The following APBB2 variants were observed in gnomAD, a reference collection of about 807,000 sequenced individuals.
APBB2 encodes the protein amyloid beta precursor protein binding family B member 2.
Under a neutral mutation model 82.5 loss-of-function variants are expected in APBB2, and 38 were observed. The ratio of observed to expected loss-of-function variants is 0.46; its 90% CI spans 0.36 to 0.60. The LOEUF (loss-of-function observed/expected upper bound fraction) is 0.60, where lower values mean the gene tolerates loss of function less well. Among genes scored for constraint, APBB2 ranks in the 20% least tolerant of loss-of-function variants. The pLI, the probability that APBB2 is intolerant of heterozygous loss-of-function variation, is 0.00. For missense variants in APBB2, 772 were observed against 972.3 expected (o/e 0.79, Z 2.74); for synonymous variants, 341 against 368.2 (o/e 0.93, Z 0.85).
intron 1 of APBB2, among the ~76,000 whole-genome samples, chr4:41,172,100 G>A (rs545378572): frequency 1.3e-5 from 2 of 152,128 alleles, no homozygotes; most frequent in South Asian, 4.2e-4. Flanking sequence ...ACTCCATCTC[G>A]AAACAATAAA....
At chr4:41,181,911 A>C (rs1771479394) in intron 1 of APBB2, among the ~76,000 whole-genome samples, 1 of 148,210 alleles carries the variant, frequency 6.7e-6, no homozygotes, top group Non-Finnish European at 1.5e-5. Context: ...ACGCCATTGC[A>C]CCAGCCTGGG....
At position 40,982,100 on chromosome 4, in the gene APBB2, G is replaced by A. The variant is rs184887845; in HGVS notation, c.835+31483C>T. On this transcript the variant is annotated intron_variant, in intron 6 of 17. Transcript: ENST00000508593. ...CTTGGGAGGCTGAGGCGTAAAAATC[G>A]CTTGAACCCAGGAGGTGGAGGTTGC... Among the ~76,000 whole-genome samples, 956 of 150,614 alleles carry A rather than the reference G, an allele frequency of 6.3e-3. 15 individuals are homozygous for A. Among genetic ancestry groups the A allele is most frequent in the African/African-American group, 0.021 (875 of 40,766 alleles).
chr4:40,862,288 C>G (rs932379885), intron 12 of APBB2, among the ~76,000 whole-genome samples: 8 of 152,174 alleles, frequency 5.3e-5, no homozygotes, highest in African/African-American at 1.9e-4. Context: ...AGAGAACATG[C>G]TACTAAAATA....
intron 1 of APBB2, among the ~76,000 whole-genome samples, chr4:41,159,967 A>G (rs867548589): frequency 0.018 from 1,150 of 65,338 alleles, 45 homozygotes; most frequent in African/African-American, 0.028. Flanking sequence ...GAAGGAGAAG[A>G]AGAAGAAGAA....
chr4:41,000,359 A>G (rs1032365091), intron 6 of APBB2, among the ~76,000 whole-genome samples: 2 of 152,182 alleles, frequency 1.3e-5, no homozygotes, highest in Non-Finnish European at 2.9e-5. Flanking sequence ...ATAAGGCAGT[A>G]ATTCTAGTGA....
At chr4:41,209,847 A>T (rs1045726203) in intron 1 of APBB2, among the ~76,000 whole-genome samples, 1 of 152,224 alleles carries the variant, frequency 6.6e-6, no homozygotes. Flanking sequence ...GGCATTGGAC[A>T]AAGCAGTGAC....
chr4:41,021,486 T>C (rs1316828329), intron 5 of APBB2, among the ~76,000 whole-genome samples: 1 of 152,128 alleles, frequency 6.6e-6, no homozygotes, highest in Non-Finnish European at 1.5e-5. Flanking sequence ...AGCTAAAGGA[T>C]TGTAAATGCA....
chr4:41,197,210 A>G, intron 1 of APBB2, among the ~76,000 whole-genome samples: 2 of 152,058 alleles, frequency 1.3e-5, no homozygotes, highest in Admixed American at 6.6e-5. Context: ...AACAATATGC[A>G]TGTTATTTTT....
intron 1 of APBB2, among the ~76,000 whole-genome samples, chr4:41,152,583 CTCCCAA>C (rs1472220177): frequency 3.3e-4 from 50 of 152,302 alleles, no homozygotes; most frequent in Middle Eastern, 3.4e-3. Flanking sequence ...CCACCTCGGC[CTCCCAA>C]AGTGCTGGGA....
At chr4:41,075,715 T>C (rs2153912274) in intron 3 of APBB2, among the ~76,000 whole-genome samples, 1 of 152,346 alleles carries the variant, frequency 6.6e-6, no homozygotes, top group African/African-American at 2.4e-5. Context: ...TTTTTTGTAA[T>C]GGTGGAAATA....
At chr4:41,056,184 A>AAAATAAAT (rs1445691537) in intron 4 of APBB2, among the ~76,000 whole-genome samples, 1 of 152,098 alleles carries the variant, frequency 6.6e-6, no homozygotes, top group Non-Finnish European at 1.5e-5. Context: ...CCATCTCAAA[A>AAAATAAAT]AAATAAATAA....
rs138420661 is a variant in APBB2, at chr4:41,110,116, C to A, written c.-260-9366G>T. Among the ~76,000 whole-genome samples the A allele has an allele frequency of 7.4e-3, 1,121 of 152,316 alleles. 15 individuals are homozygous for A. Among genetic ancestry groups the A allele is most frequent in the African/African-American group, 0.025 (1,045 of 41,568 alleles). Reference sequence around the variant, plus strand: ...CACCTTTCTTTCTAATTTACAGCCCCCATCCCTGCAGAAGCAACCACTCCC... The same window carrying A: ...CACCTTTCTTTCTAATTTACAGCCCACATCCCTGCAGAAGCAACCACTCCC... On this transcript the variant is annotated intron_variant, in intron 2 of 17. Transcript: ENST00000508593.
intron 6 of APBB2, among the ~76,000 whole-genome samples, chr4:40,972,040 T>A (rs1796049906): frequency 6.6e-6 from 1 of 152,122 alleles, no homozygotes; most frequent in African/African-American, 2.4e-5. Flanking sequence ...CAACAAAAAA[T>A]AAAATTCCCA....
intron 4 of APBB2, among the ~76,000 whole-genome samples, chr4:41,040,967 G>A (rs574935424): frequency 4.3e-4 from 65 of 152,148 alleles, no homozygotes; most frequent in African/African-American, 1.5e-3. Context: ...TGCAAGCTCC[G>A]CCTCCCGAGT....
intron 12 of APBB2, among the ~76,000 whole-genome samples, chr4:40,845,210 G>A (rs1757115834): frequency 6.6e-6 from 1 of 152,198 alleles, no homozygotes; most frequent in Non-Finnish European, 1.5e-5. Flanking sequence ...ATGTCATTCA[G>A]AAACCCAGAA....
intron 1 of APBB2, among the ~76,000 whole-genome samples, chr4:41,161,170 CAAAA>C (rs33917178): frequency 0.022 from 1,860 of 86,266 alleles, 31 homozygotes; most frequent in African/African-American, 0.053. Flanking sequence ...TCTTCCCTGG[CAAAA>C]AAAAAAAAAA....
intron 4 of APBB2, among the ~76,000 whole-genome samples, chr4:41,034,514 A>G (rs1246914690): frequency 6.6e-6 from 1 of 152,192 alleles, no homozygotes; most frequent in African/African-American, 2.4e-5. Flanking sequence ...TAGTAGAAAC[A>G]GCGTTTCACC....
intron 4 of APBB2, among the ~76,000 whole-genome samples, chr4:41,038,549 G>A (rs1720147004): frequency 1.3e-5 from 2 of 152,070 alleles, no homozygotes; most frequent in Admixed American, 6.6e-5. Context: ...ACACTGCTCT[G>A]GTCACAATCA....
intron 6 of APBB2, among the ~76,000 whole-genome samples, chr4:40,970,643 T>C (rs1163118227): frequency 1.3e-5 from 2 of 152,086 alleles, no homozygotes; most frequent in Non-Finnish European, 2.9e-5. Flanking sequence ...GTACTTCCTA[T>C]CTCGGGACAC....
Sources: allele counts gnomAD v4.1 joint callset (sites outside exome capture counted in the v4.1 genomes callset), GRCh38; gene constraint gnomAD v4.1.1; transcripts MANE v1.5; gene names NCBI Gene and HGNC (gene_info 2026-07-23, HGNC 2026-07-21).